The following ARHGEF18 variants were observed in gnomAD, a reference collection of about 807,000 sequenced individuals.
ARHGEF18 encodes rho guanine nucleotide exchange factor 18.
Under a neutral mutation model 155.7 loss-of-function variants are expected in ARHGEF18, and 93 were observed. The ratio of observed to expected loss-of-function variants is 0.60; its 90% CI spans 0.50 to 0.71. The LOEUF (loss-of-function observed/expected upper bound fraction) is 0.71. Ranked by LOEUF, ARHGEF18 falls within the 30% of genes least tolerant of loss-of-function variation. The pLI is 0.00. For missense variants in ARHGEF18, 1,593 were observed against 1,816.1 expected (o/e 0.88, Z 2.23); for synonymous variants, 742 against 753.1 (o/e 0.99, Z 0.24).
At chr19:7,405,887 G>A (rs1232717346) in intron 10 of ARHGEF18, among the ~76,000 whole-genome samples, 1 of 152,100 alleles carries the variant, frequency 6.6e-6, no homozygotes, top group African/African-American at 2.4e-5. Flanking sequence ...CCAAAACACC[G>A]GGATTCCAGG....
At chr19:7,467,854 C>T (rs976119236) in intron 26 of ARHGEF18, among the ~76,000 whole-genome samples, 170 bp downstream of exon 26, 2 of 152,228 alleles carry the variant, frequency 1.3e-5, no homozygotes, top group African/African-American at 4.8e-5. Context: ...ACAGACCTTT[C>T]TCGGAGCTGG....
chr19:7,375,387 GAAGGAAGGAAGA>G (rs562695528), intron 3 of ARHGEF18, among the ~76,000 whole-genome samples: 2 of 144,372 alleles, frequency 1.4e-5, no homozygotes, highest in Non-Finnish European at 3.0e-5. Flanking sequence ...GAAAGAAAAG[GAAGGAAGGAAGA>G]AAGGAAGGAA....
intron 1 of ARHGEF18, among the ~76,000 whole-genome samples, chr19:7,360,900 G>C (rs545858218): frequency 2.8e-4 from 43 of 152,284 alleles, no homozygotes; most frequent in African/African-American, 9.6e-4. Context: ...CAACCAGCCC[G>C]GGAGGGCAAC....
chr19:7,454,530 C>T (rs1975706546), intron 17 of ARHGEF18, among the ~76,000 whole-genome samples: 1 of 151,244 alleles, frequency 6.6e-6, no homozygotes, highest in Non-Finnish European at 1.5e-5. Context: ...AGTGGGTGCC[C>T]TCTTGGATCA....
intron 10 of ARHGEF18, among the ~76,000 whole-genome samples, chr19:7,413,536 C>T (rs999036405): frequency 3.9e-5 from 6 of 152,060 alleles, no homozygotes; most frequent in Non-Finnish European, 7.4e-5. Flanking sequence ...CTCCTGACCT[C>T]GTGATCCACC....
chr19:7,399,210 C>G (rs1160726707), intron 10 of ARHGEF18, among the ~76,000 whole-genome samples: 1 of 152,146 alleles, frequency 6.6e-6, no homozygotes, highest in East Asian at 1.9e-4. Context: ...CCAGTGGAAG[C>G]CTCGCAGCTG....
chr19:7,399,831 G>A (rs1236020228), intron 10 of ARHGEF18, among the ~76,000 whole-genome samples: 1 of 150,242 alleles, frequency 6.7e-6, no homozygotes, highest in Non-Finnish European at 1.5e-5. Context: ...GGAGAGCAGT[G>A]GTACGATCAC....
chr19:7,469,657 A>G (rs1254669069), intron 27 of ARHGEF18, among the ~76,000 whole-genome samples: 1 of 152,046 alleles, frequency 6.6e-6, no homozygotes, highest in African/African-American at 2.4e-5. Context: ...GGCCTGTGCT[A>G]TTTCCACAGG....
At chr19:7,477,130 C>T, downstream of ARHGEF18, 4 of 1,346,720 alleles carry the variant, frequency 3.0e-6, no homozygotes, top group Non-Finnish European at 3.9e-6. Flanking sequence ...CGGCCCCTGC[C>T]CTGGCGGCTT....
At chr19:7,443,608 C>T (rs567134743) in intron 13 of ARHGEF18, among the ~76,000 whole-genome samples, 80 of 152,268 alleles carry the variant, frequency 5.3e-4, no homozygotes, top group African/African-American at 1.8e-3. Context: ...CTTTGGGGTT[C>T]GAATTTCGAC....
At chr19:7,476,904 G>A (rs755570755), downstream of ARHGEF18, 178 of 367,290 alleles carry the variant, frequency 4.8e-4, no homozygotes, top group Middle Eastern at 1.4e-3. Context: ...ATTGATTCCC[G>A]TTCCAGCTTT....
intron 10 of ARHGEF18, among the ~76,000 whole-genome samples, chr19:7,408,227 G>A (rs542014922): frequency 6.6e-6 from 1 of 152,118 alleles, no homozygotes; most frequent in African/African-American, 2.4e-5. Context: ...GCAGTGAGCC[G>A]AAATCGCACC....
At chr19:7,355,131 C>T (rs1969255141) in intron 1 of ARHGEF18, among the ~76,000 whole-genome samples, 1 of 149,978 alleles carries the variant, frequency 6.7e-6, no homozygotes, top group African/African-American at 2.5e-5. Flanking sequence ...CACAGAGACA[C>T]TTTTAAAACT....
At chr19:7,391,284 G>A (rs1007535034) in intron 10 of ARHGEF18, among the ~76,000 whole-genome samples, 1 of 152,112 alleles carries the variant, frequency 6.6e-6, no homozygotes, top group African/African-American at 2.4e-5. Context: ...GGGACAGACG[G>A]AGGAAACAGC....
the ARHGEF18 span, among the ~76,000 whole-genome samples, chr19:7,478,572 G>A: frequency 2.6e-5 from 4 of 152,204 alleles, no homozygotes; most frequent in Non-Finnish European, 5.9e-5. Flanking sequence ...ACACGGCCCC[G>A]TCCCACCCGG....
rs574236744 is a variant in ARHGEF18 at position 7,360,087 on chromosome 19, G to A, written c.-110-2694G>A. Among the ~76,000 whole-genome samples, 6 of 152,158 alleles carry A rather than the reference G, an allele frequency of 3.9e-5. No homozygotes were observed. In the East Asian group the frequency reaches 1.2e-3, roughly 29 times the overall value. On this transcript the variant is annotated intron_variant, in intron 1 of 28. Coordinates refer to ENST00000668164, the MANE Select transcript of ARHGEF18 (RefSeq NM_001367823.1). ...GGAGAATCGCTTGTACCCAGGAGGT[G>A]GAGACTGCAGTGAGCCAAGATGGAA...
rs370970265 is a variant in ARHGEF18 at position 7,420,130 on chromosome 19, A to G, written c.968-20214A>G. Among the ~76,000 whole-genome samples the G allele has an allele frequency of 1.2e-4, 18 of 152,216 alleles. 1 individual carries two copies. The highest frequency in any genetic ancestry group is 9.7e-4 in the East Asian group (5 of 5,180). ...ATCAAAAAAGGCCAGCTCTCTCTAT[A>G]TATTTTAGAGATTGGGTCTTGCTGT... On this transcript the variant is annotated intron_variant, in intron 10 of 28. Coordinates refer to ENST00000668164, the MANE Select transcript of ARHGEF18 (RefSeq NM_001367823.1).
In ARHGEF18 at chr19:7,462,362, T is replaced by G; in HGVS notation, c.2635+28T>G. ...AAGTTGGCTGCCCACACCTCAAGGG[T>G]GCAGTCTTGCCGGGGTGGGCTCCTC... On this transcript the variant is annotated intron_variant, in intron 21 of 28. Coordinates refer to ENST00000668164, the MANE Select transcript of ARHGEF18 (RefSeq NM_001367823.1). The surrounding 1 kb of genome is among the most constrained non-coding windows in gnomAD (Gnocchi z 4.4). 6.5e-7 allele frequency: 1 copy of G among 1,549,448 alleles called. No homozygotes were observed. The highest frequency in any genetic ancestry group is 8.7e-7 in the Non-Finnish European group (1 of 1,150,566).
At chr19:7,355,841 CT>C (rs1969280428) in intron 1 of ARHGEF18, 1 of 389,020 alleles carries the variant, frequency 2.6e-6, no homozygotes, top group South Asian at 1.1e-4. Context: ...TCCATGACCC[CT>C]GATTCTCCAG....
Sources: allele counts gnomAD v4.1 joint callset (sites outside exome capture counted in the v4.1 genomes callset), GRCh38; gene constraint gnomAD v4.1.1; non-coding constraint Gnocchi (gnomAD v3.1); transcripts MANE v1.5; gene names NCBI Gene and HGNC (gene_info 2026-07-23, HGNC 2026-07-21).